POMGNT1: variants seen among roughly 807,000 people sequenced by gnomAD.
POMGNT1 encodes the protein protein O-linked mannose N-acetylglucosaminyltransferase 1 (beta 1,2-).
A neutral mutation model predicts 95.6 loss-of-function variants in POMGNT1; 67 were observed. The observed-to-expected ratio is 0.70, with a 90% CI of 0.58 to 0.86. POMGNT1 has a LOEUF of 0.86. Among genes scored for constraint, POMGNT1 ranks in the 40% least tolerant of loss-of-function variants. The pLI is 0.00. For synonymous variants in POMGNT1, 298 were observed against 317.9 expected (o/e 0.94, Z 0.66); for missense variants, 719 against 855.2 (o/e 0.84, Z 1.99).
In POMGNT1 at chr1:46,192,218, CCA is replaced by C; in HGVS notation, c.1417_1418del (p.Trp473GlyfsTer10). On this transcript the variant is annotated frameshift_variant, in exon 17 of 22. Coordinates refer to ENST00000371984, the MANE Select transcript of POMGNT1 (RefSeq NM_017739.4). LOFTEE classifies it high-confidence loss of function. The stretch of plus-strand genomic sequence containing the variant: ...GCATCCGCATCCACATGTCCCAATC[CCA>C]GAGCTGGCAGACATGGACCACGATG... ...EPKWPTPEKL[W>X]DWDMWMRMPE... The C allele has an allele frequency of 6.2e-7, 1 of 1,614,194 alleles. No individual in the cohort carries two copies. Among genetic ancestry groups the C allele is most frequent in the Non-Finnish European group, 8.5e-7 (1 of 1,180,042 alleles).
chr1:46,194,690 C>T, intron 7 of POMGNT1, 39 bp from the exon 8 acceptor site: 1 of 1,614,274 alleles, frequency 6.2e-7, no homozygotes. Context: ...GGGGCCCAGA[C>T]ACCAGTTTGG....
At chr1:46,203,332 C>T, upstream of POMGNT1, 2 of 1,166,850 alleles carry the variant, frequency 1.7e-6, no homozygotes, top group Non-Finnish European at 2.3e-6. Context: ...CGGGGACCCA[C>T]CGGTTTTGCT....
intron 6 of POMGNT1, chr1:46,195,584 G>T: frequency 1.6e-6 from 1 of 606,556 alleles, no homozygotes; most frequent in Non-Finnish European, 3.0e-6. Context: ...TGGGGACTCT[G>T]TCTTGTTTCC....
chr1:46,199,516 A>AT (rs1306306888), upstream of POMGNT1, among the ~76,000 whole-genome samples: 1 of 152,204 alleles, frequency 6.6e-6, no homozygotes, highest in Non-Finnish European at 1.5e-5. Context: ...AGAGTTTTAG[A>AT]TTCAGTGGTC....
chr1:46,189,106 T>TG lies in POMGNT1; in HGVS notation c.*163dup. 6.7e-7 allele frequency: 1 copy of TG among 1,498,972 alleles called. No individual in the cohort carries two copies. The highest frequency in any genetic ancestry group is 8.9e-7 in the Non-Finnish European group (1 of 1,127,872). The allele number at this position is 1,498,972 out of a possible 1,614,324, so 92.9% of individuals were successfully genotyped here. On this transcript the variant is annotated 3_prime_UTR_variant, in exon 22 of 22. Transcript: ENST00000371984. ...GACTTTTAACTCAGGAACGGGGTGT[T>TG]GGAGCAGGGGAACCCTCCCCTTGGA...
rs907703268 is a variant in POMGNT1, at chr1:46,189,575, G to C, written c.1786-8C>G. ...GTCCCAGATATGGAGGCACTAGTGAGGGTGGGATGGAGACAGAGACATGGG... is the reference window on the plus strand; with the variant it reads ...GTCCCAGATATGGAGGCACTAGTGACGGTGGGATGGAGACAGAGACATGGG... On this transcript the variant is annotated splice_region_variant and splice_polypyrimidine_tract_variant and intron_variant, in intron 20 of 21. Coordinates refer to ENST00000371984, the MANE Select transcript of POMGNT1 (RefSeq NM_017739.4). 17 of 1,607,320 alleles carry C rather than the reference G, an allele frequency of 1.1e-5. No individual in the cohort carries two copies. The highest frequency in any genetic ancestry group is 1.6e-4 in the Middle Eastern group (1 of 6,068).
intron 1 of POMGNT1, among the ~76,000 whole-genome samples, chr1:46,205,508 C>CA (rs1557682661): frequency 1.3e-5 from 2 of 152,206 alleles, no homozygotes; most frequent in Admixed American, 1.3e-4. Context: ...TCCCATCTTA[C>CA]AGATAAAACG....
chr1:46,194,156 T>C, intron 9 of POMGNT1, 118 bp downstream of exon 9: 1 of 1,587,974 alleles, frequency 6.3e-7, no homozygotes, highest in Non-Finnish European at 8.6e-7. Context: ...GCAGTGTAAA[T>C]CCTGCCCCTG....
At chr1:46,205,431 G>C (rs1303204394) in intron 1 of POMGNT1, among the ~76,000 whole-genome samples, 1 of 152,176 alleles carries the variant, frequency 6.6e-6, no homozygotes, top group Non-Finnish European at 1.5e-5. Context: ...TTTACTTTGA[G>C]ACCTGCTTTG....
At chr1:46,205,517 C>T (rs558658155) in intron 1 of POMGNT1, among the ~76,000 whole-genome samples, 7 of 152,164 alleles carry the variant, frequency 4.6e-5, no homozygotes, top group South Asian at 2.1e-4. Flanking sequence ...ACAGATAAAA[C>T]GTGCTTGCAG....
intron 2 of POMGNT1, 78 bp downstream of exon 2, chr1:46,197,624 G>T (rs1173017344): frequency 6.3e-7 from 1 of 1,599,450 alleles, no homozygotes; most frequent in African/African-American, 1.3e-5. Context: ...TGGCCAACAG[G>T]GGTCCCAGTG....
chr1:46,193,413 C>G, intron 11 of POMGNT1, 25 bp from the exon 12 acceptor site: 2 of 1,607,980 alleles, frequency 1.2e-6, no homozygotes, highest in African/African-American at 2.7e-5. Flanking sequence ...CACTGCTCAC[C>G]ATGTGAGGTC....
intron 1 of POMGNT1, among the ~76,000 whole-genome samples, chr1:46,204,085 G>C (rs1658636813): frequency 6.6e-6 from 1 of 152,284 alleles, no homozygotes; most frequent in East Asian, 1.9e-4. Context: ...GTGGGTAAAG[G>C]GGCCTATCTG....
intron 1 of POMGNT1, among the ~76,000 whole-genome samples, chr1:46,211,702 C>A (rs1057051144): frequency 1.3e-5 from 2 of 152,050 alleles, no homozygotes; most frequent in African/African-American, 4.8e-5. Context: ...TCATTAATGG[C>A]AAAACTGGAA....
In POMGNT1 at chr1:46,192,196, T is replaced by G. The variant is rs1657828090; in HGVS notation, c.1441A>C (p.Met481Leu). 2 of 1,614,060 alleles carry G rather than the reference T, an allele frequency of 1.2e-6. No individual in the cohort carries two copies. The highest frequency in any genetic ancestry group is 2.7e-5 in the African/African-American group (2 of 74,910). ...KLWDWDMWMR[M>L]PEQRRGRECI... ...TCTCGGCCCCGGCGTTGTTCAGGCA[T>G]CCGCATCCACATGTCCCAATCCCAG... is the stretch of plus-strand genomic sequence containing the variant. Residue 481 changes from methionine (M) to leucine (L), a missense_variant, in exon 17 of 22, where the codon ATG becomes CTG. Physicochemically the swap from Met to Leu is conservative, Grantham distance 15 (BLOSUM62 2). Around this residue, in one of 5 missense-constraint regions of POMGNT1, gnomAD observed 118 missense variants for 153.6 expected, o/e 0.77. Transcript: ENST00000371984.
At chr1:46,198,972 C>T (rs1393947916), upstream of POMGNT1, among the ~76,000 whole-genome samples, 1 of 152,068 alleles carries the variant, frequency 6.6e-6, no homozygotes, top group East Asian at 1.9e-4. Context: ...GACGGAGTCT[C>T]GCTCTGTCGC....
upstream of POMGNT1, among the ~76,000 whole-genome samples, chr1:46,198,655 C>A (rs951129258): frequency 6.6e-6 from 1 of 152,162 alleles, no homozygotes; most frequent in Non-Finnish European, 1.5e-5. Flanking sequence ...GAGAGCAGCC[C>A]GCTCCCCAGC....
chr1:46,200,718 C>T (rs565472568), upstream of POMGNT1, among the ~76,000 whole-genome samples: 1 of 152,368 alleles, frequency 6.6e-6, no homozygotes, highest in East Asian at 1.9e-4. Flanking sequence ...TCTAATTCTT[C>T]TTTGACCTCA....
chr1:46,202,319 A>T (rs566818328), upstream of POMGNT1, among the ~76,000 whole-genome samples: 2 of 152,092 alleles, frequency 1.3e-5, no homozygotes, highest in African/African-American at 4.8e-5. Flanking sequence ...ATTTTCTGTA[A>T]CCTTGTTACT....
Sources: gnomAD v4.1 joint callset for allele counts (sites outside exome capture counted in the v4.1 genomes callset) on GRCh38, gnomAD v4.1.1 for gene constraint, gnomAD v4.1.1 regional missense constraint, MANE v1.5 for transcripts, NCBI Gene and HGNC (gene_info 2026-07-23, HGNC 2026-07-21) for gene names.